The following AMMECR1 variants were observed in gnomAD, a reference collection of about 807,000 sequenced individuals.
AMMECR1 encodes the protein AMMECR nuclear protein 1, also known as nuclear protein AMMECR1.
In AMMECR1, 3 loss-of-function variants were observed where a neutral mutation model predicts 22.5. That is an observed-to-expected ratio of 0.13 (90% CI 0.06 to 0.35). AMMECR1 has a LOEUF of 0.35. Ranked by LOEUF, AMMECR1 falls within the 10% of genes least tolerant of loss-of-function variation. The probability of loss-of-function intolerance (pLI) is 1.00; values close to 1 mark genes in which losing one functional copy is unlikely to be tolerated. For missense variants in AMMECR1, 235 were observed against 278.7 expected (o/e 0.84, Z 1.12); for synonymous variants, 130 against 116.7 (o/e 1.11, Z -0.74).
intron 2 of AMMECR1, among the ~76,000 whole-genome samples, chrX:110,369,777 A>G (rs2068324811): frequency 8.9e-6 from 1 of 111,782 alleles, no homozygotes; most frequent in African/African-American, 3.3e-5. Flanking sequence ...TATTTTTTAT[A>G]TTTCTTTTTT....
chrX:110,374,412 A>C (rs995858904), intron 2 of AMMECR1, among the ~76,000 whole-genome samples: 4 of 112,000 alleles, frequency 3.6e-5, no homozygotes, highest in Non-Finnish European at 3.8e-5. Flanking sequence ...ATCTGGACAT[A>C]TATTTATTTT....
At chrX:110,341,832 G>A (rs972377969) in intron 2 of AMMECR1, among the ~76,000 whole-genome samples, 1 of 112,417 alleles carries the variant, frequency 8.9e-6, no homozygotes, top group Non-Finnish European at 1.9e-5. Flanking sequence ...GGAGGACGAG[G>A]CAGGTGGATA....
intron 1 of AMMECR1, among the ~76,000 whole-genome samples, chrX:110,278,762 G>A (rs1193300371): frequency 1.8e-5 from 2 of 111,732 alleles, no homozygotes; most frequent in Admixed American, 1.9e-4. Context: ...AGCCAAAGGT[G>A]GTGTATATGG....
In AMMECR1 at chrX:110,305,173, T is replaced by G. The variant is rs751175256; in HGVS notation, c.473+12426A>C. ...TTTCTCACCCATACTCATAAAGGGG[T>G]CTAGCATAGTGTTCTACCCAGAACA... On this transcript the variant is annotated intron_variant, in intron 1 of 5. Transcript: ENST00000262844. Among the ~76,000 whole-genome samples, 3 of 112,224 alleles carry G rather than the reference T, an allele frequency of 2.7e-5. No homozygotes were observed. The South Asian group carries it at 1.1e-3, about 42-fold the overall frequency.
chrX:110,280,280 C>T lies in AMMECR1; in HGVS notation c.474-15681G>A, dbSNP rs145977044. Among the ~76,000 whole-genome samples, 851 of 111,109 alleles carry T rather than the reference C, an allele frequency of 7.7e-3. 2 individuals carry two copies. Among genetic ancestry groups the T allele is most frequent in the Non-Finnish European group, 0.012 (613 of 53,007 alleles). On this transcript the variant is annotated intron_variant, in intron 1 of 5. Transcript: ENST00000262844. ...AGTCAACTCTCTTTACCACATACTA[C>T]GAATGTGTGTGCTGTTTGATGTAAA... is the stretch of plus-strand genomic sequence containing the variant.
At chrX:110,408,495 C>G (rs899708301) in intron 2 of AMMECR1, among the ~76,000 whole-genome samples, 20 of 112,541 alleles carry the variant, frequency 1.8e-4, no homozygotes, top group African/African-American at 6.4e-4. Flanking sequence ...GAGCTGAAAA[C>G]TGCTTTTCTA....
At chrX:110,397,151 C>T (rs980129271) in intron 2 of AMMECR1, among the ~76,000 whole-genome samples, 1 of 111,348 alleles carries the variant, frequency 9.0e-6, no homozygotes, top group East Asian at 2.8e-4. Flanking sequence ...GTTCCTGCCT[C>T]CTTCTTGTTC....
In AMMECR1 at chrX:110,200,450, C is replaced by T. The variant is rs187020827; in HGVS notation, c.887+504G>A. Among the ~76,000 whole-genome samples the T allele has an allele frequency of 2.2e-3, 247 of 111,837 alleles. 1 individual carries two copies. The highest frequency in any genetic ancestry group is 3.5e-3 in the Non-Finnish European group (185 of 53,129). On this transcript the variant is annotated intron_variant, in intron 5 of 5. Coordinates refer to ENST00000262844, the MANE Select transcript of AMMECR1 (RefSeq NM_015365.3). The stretch of plus-strand genomic sequence containing the variant: ...CAGCAGCCCATTTTCCTAAAATGTA[C>T]GGTATTTTCCTTTTTAAATAAGCAT...
intron 2 of AMMECR1, among the ~76,000 whole-genome samples, chrX:110,337,075 T>A (rs1262807218): frequency 3.6e-5 from 4 of 111,058 alleles, no homozygotes; most frequent in Non-Finnish European, 5.7e-5. Context: ...GTGAAAAGCC[T>A]CTAGAGTTAG....
chrX:110,388,151 G>A (rs1602957587), intron 2 of AMMECR1, among the ~76,000 whole-genome samples: 1 of 111,766 alleles, frequency 8.9e-6, no homozygotes, highest in East Asian at 2.8e-4. Context: ...ACAGGCGTGA[G>A]CCACCGCCCA....
chrX:110,433,074 GCTGCTGCTGT>G (rs1441005899), intron 1 of AMMECR1, among the ~76,000 whole-genome samples: 2 of 112,610 alleles, frequency 1.8e-5, no homozygotes, highest in East Asian at 5.6e-4. Context: ...GGTGGCTCCA[GCTGCTGCTGT>G]CTGTGAGCTC....
intron 1 of AMMECR1, among the ~76,000 whole-genome samples, chrX:110,435,533 C>T (rs1358511373): frequency 8.9e-6 from 1 of 112,180 alleles, no homozygotes; most frequent in African/African-American, 3.2e-5. Flanking sequence ...ATCCCCAAAT[C>T]TATAGCAACA....
chrX:110,388,803 G>A (rs2068475386), intron 2 of AMMECR1, among the ~76,000 whole-genome samples: 1 of 111,716 alleles, frequency 9.0e-6, no homozygotes, highest in African/African-American at 3.3e-5. Flanking sequence ...CCAAGTAGTT[G>A]GCTCAAGAGT....
At chrX:110,332,871 G>A (rs990444005) in intron 2 of AMMECR1, among the ~76,000 whole-genome samples, 5 of 111,570 alleles carry the variant, frequency 4.5e-5, no homozygotes, top group African/African-American at 1.6e-4. Context: ...GATTCCATGA[G>A]CATCAAGGAC....
At chrX:110,222,621 GAAAA>G (rs745959315) in intron 2 of AMMECR1, among the ~76,000 whole-genome samples, 2 of 80,354 alleles carry the variant, frequency 2.5e-5, no homozygotes, top group Non-Finnish European at 4.9e-5. Context: ...TCCAATTCTG[GAAAA>G]AAAAAAAAGA....
intron 2 of AMMECR1, among the ~76,000 whole-genome samples, chrX:110,392,997 C>G (rs973892134): frequency 9.0e-6 from 1 of 111,606 alleles, no homozygotes; most frequent in Non-Finnish European, 1.9e-5. Context: ...TTTGGCCTTC[C>G]CTTTGAAACT....
At chrX:110,372,462 A>G (rs2068345981) in intron 2 of AMMECR1, among the ~76,000 whole-genome samples, 1 of 111,883 alleles carries the variant, frequency 8.9e-6, no homozygotes, top group African/African-American at 3.2e-5. Flanking sequence ...AAGTTTGTGT[A>G]CATAAAATGT....
intron 2 of AMMECR1, among the ~76,000 whole-genome samples, chrX:110,251,179 T>C (rs764206125): frequency 1.8e-5 from 2 of 112,523 alleles, no homozygotes; most frequent in South Asian, 7.4e-4. Context: ...TTGATGTTGC[T>C]TGGTAAACTA....
rs186869387 is a variant in AMMECR1 at position 110,345,644 on chromosome X, C to T, written c.-147-27795G>A. On this transcript the variant is annotated intron_variant, in intron 2 of 7. Coordinates refer to the AMMECR1 transcript ENST00000372057. ...GGTACTCTGCTCACTACCTGGGTGA[C>T]GGGATCATCCATACCCCAAACCTCA... 2.6e-3 allele frequency among the ~76,000 whole-genome samples: 292 copies of T among 110,470 alleles called. 2 individuals are homozygous for T. Among genetic ancestry groups the T allele is most frequent in the African/African-American group, 8.8e-3 (268 of 30,506 alleles).
Sources: gnomAD v4.1 joint callset for allele counts (sites outside exome capture counted in the v4.1 genomes callset) on GRCh38, gnomAD v4.1.1 for gene constraint, MANE v1.5 for transcripts, NCBI Gene and HGNC (gene_info 2026-07-23, HGNC 2026-07-21) for gene names.